The following RHOU variants were observed in gnomAD, a reference collection of about 807,000 sequenced individuals.
RHOU encodes the protein rho-related GTP-binding protein RhoU.
Under a neutral mutation model 12.6 loss-of-function variants are expected in RHOU, and 8 were observed. The ratio of observed to expected loss-of-function variants is 0.64; its 90% CI spans 0.37 to 1.15. The LOEUF (loss-of-function observed/expected upper bound fraction) is 1.15. Ranked by LOEUF, RHOU falls within the 50% of genes most tolerant of loss-of-function variation. The probability of loss-of-function intolerance (pLI) is 0.01; values close to 1 mark genes in which losing one functional copy is unlikely to be tolerated. For synonymous variants in RHOU, 161 were observed against 147.4 expected, an observed-to-expected ratio of 1.09 and a Z score of -0.67; for missense variants, 258 against 347.0, an observed-to-expected ratio of 0.74 and a Z score of 2.04.
At chr1:228,707,127 C>CATAT in the RHOU span, among the ~76,000 whole-genome samples, 46 of 76,808 alleles carry the variant, frequency 6.0e-4, no homozygotes, top group Middle Eastern at 7.4e-3. Context: ...TATATATATA[C>CATAT]ATATATATAT....
the RHOU span, among the ~76,000 whole-genome samples, chr1:228,684,929 A>C: frequency 2.0e-4 from 30 of 152,344 alleles, no homozygotes; most frequent in Middle Eastern, 3.4e-3. Flanking sequence ...TTACTAGGAA[A>C]GTGGAGGAAT....
At chr1:228,661,648 C>A in the RHOU span, among the ~76,000 whole-genome samples, 1 of 152,176 alleles carries the variant, frequency 6.6e-6, no homozygotes, top group East Asian at 1.9e-4. Context: ...GAAACTGGAT[C>A]ACTTCCTTAC....
Position 228,735,980 on chromosome 1 carries a change from C to T in RHOU, c.238C>T (p.Pro80Ser). Reference sequence around the variant, plus strand: ...CAACGGCTACCCCACCGAGTACATCCCTACTGCCTTCGACAACTTCTCCGG... The same window carrying T: ...CAACGGCTACCCCACCGAGTACATCTCTACTGCCTTCGACAACTTCTCCGG... ...TTNGYPTEYI[P>S]TAFDNFSAVV... Residue 80 changes from proline (P) to serine (S), a missense_variant, in exon 1 of 3, where the codon CCT becomes TCT. By Grantham distance (74) the Pro-to-Ser change is moderately conservative. Coordinates refer to ENST00000366691, the MANE Select transcript of RHOU (RefSeq NM_021205.6). The surrounding 1 kb of genome is among the most constrained non-coding windows in gnomAD (Gnocchi z 8.1). The T allele has an allele frequency of 6.3e-7, 1 of 1,580,178 alleles. No individual in the cohort carries two copies.
At chr1:228,676,642 G>C in the RHOU span, among the ~76,000 whole-genome samples, 642 of 152,324 alleles carry the variant, frequency 4.2e-3, 5 homozygotes, top group African/African-American at 0.015. Context: ...GTGCAGGCAG[G>C]CTGAGTCTGA....
upstream of RHOU, among the ~76,000 whole-genome samples, chr1:228,734,557 T>C (rs756063136): frequency 3.0e-4 from 45 of 152,194 alleles, no homozygotes; most frequent in Non-Finnish European, 5.3e-4. Context: ...GAAGAGTGCT[T>C]ACAACAGTAT....
the RHOU span, among the ~76,000 whole-genome samples, chr1:228,698,653 A>G: frequency 6.6e-6 from 1 of 152,268 alleles, no homozygotes; most frequent in Non-Finnish European, 1.5e-5. Flanking sequence ...CTAACAAATC[A>G]TGCCCATCCA....
chr1:228,736,015 C>CG lies in RHOU; in HGVS notation c.262+17dup. ...TCGACAACTTCTCCGGTGAGCTGGCCGGGGGGCCGGGGCCGGGGGCGCGTG... is the reference window on the plus strand; with the variant it reads ...TCGACAACTTCTCCGGTGAGCTGGCCGGGGGGGCCGGGGCCGGGGGCGCGTG... On this transcript the variant is annotated intron_variant, in intron 1 of 2. Transcript: ENST00000366691. 2 of 1,569,260 alleles carry CG rather than the reference C, an allele frequency of 1.3e-6. No individual in the cohort carries two copies. The highest frequency in any genetic ancestry group is 8.6e-7 in the Non-Finnish European group (1 of 1,165,104).
chr1:228,685,211 C>T, the RHOU span, among the ~76,000 whole-genome samples: 2 of 152,190 alleles, frequency 1.3e-5, no homozygotes, highest in African/African-American at 4.8e-5. Flanking sequence ...TTACTGCAGT[C>T]TGTTCTGTCA....
the RHOU span, among the ~76,000 whole-genome samples, chr1:228,678,108 G>A: frequency 5.3e-5 from 8 of 152,150 alleles, no homozygotes; most frequent in African/African-American, 1.9e-4. Context: ...AAGAGAGGGG[G>A]CCTGAACAAT....
the RHOU span, among the ~76,000 whole-genome samples, chr1:228,726,404 G>A: frequency 1.3e-5 from 2 of 152,170 alleles, no homozygotes; most frequent in Admixed American, 6.5e-5. Flanking sequence ...AGTGGCTCAA[G>A]CCCATAATCC....
chr1:228,707,211 A>ATATATACATATG, the RHOU span, among the ~76,000 whole-genome samples: 3 of 118,856 alleles, frequency 2.5e-5, no homozygotes, highest in Admixed American at 1.0e-4. Context: ...ATATACATAT[A>ATATATACATATG]TATATACATA....
the RHOU span, among the ~76,000 whole-genome samples, chr1:228,659,632 A>G: frequency 6.6e-6 from 1 of 152,032 alleles, no homozygotes; most frequent in Non-Finnish European, 1.5e-5. Context: ...AAGAGAGAAG[A>G]CTCAAATTAC....
chr1:228,668,789 C>T, the RHOU span, among the ~76,000 whole-genome samples: 1 of 152,230 alleles, frequency 6.6e-6, no homozygotes, highest in South Asian at 2.1e-4. Context: ...CTAACTTTGA[C>T]CTCCCTGCTG....
At chr1:228,719,880 T>A in the RHOU span, among the ~76,000 whole-genome samples, 1 of 152,210 alleles carries the variant, frequency 6.6e-6, no homozygotes, top group Admixed American at 6.5e-5. Flanking sequence ...CTGCACTGGT[T>A]ATTACTTCTT....
upstream of RHOU, chr1:228,735,269 C>T (rs1662571131): frequency 6.6e-6 from 1 of 152,166 alleles, no homozygotes; most frequent in Non-Finnish European, 1.5e-5. This position sits in a 1 kb window ranked among gnomAD's most constrained non-coding sequence, Gnocchi z 8.1. Flanking sequence ...ACGTGTGTTC[C>T]AGGTCCTCCC....
chr1:228,684,903 T>C, the RHOU span, among the ~76,000 whole-genome samples: 1 of 152,162 alleles, frequency 6.6e-6, no homozygotes, highest in African/African-American at 2.4e-5. Context: ...GACGAGTTTG[T>C]AAAGTGAAAG....
chr1:228,728,875 A>G, the RHOU span, among the ~76,000 whole-genome samples: 25,306 of 151,224 alleles, frequency 0.17, 2,780 homozygotes, highest in African/African-American at 0.31. Context: ...AGCACTGATG[A>G]GTTTTGTCAA....
the RHOU span, among the ~76,000 whole-genome samples, chr1:228,708,104 G>A: frequency 6.6e-6 from 1 of 152,112 alleles, no homozygotes; most frequent in Non-Finnish European, 1.5e-5. Flanking sequence ...GGGAAGTTTA[G>A]AGAAAAAAGA....
chr1:228,736,262 A>C (rs76266735), intron 1 of RHOU, among the ~76,000 whole-genome samples: 1 of 143,422 alleles, frequency 7.0e-6, no homozygotes, highest in Non-Finnish European at 1.5e-5. Flanking sequence ...AGCCTTGCCA[A>C]AAAAAAAAAA....
Sources: gnomAD v4.1 joint callset for allele counts (sites outside exome capture counted in the v4.1 genomes callset) on GRCh38, gnomAD v4.1.1 for gene constraint, Gnocchi (gnomAD v3.1) non-coding constraint, MANE v1.5 for transcripts, NCBI Gene and HGNC (gene_info 2026-07-23, HGNC 2026-07-21) for gene names.